FAM107A: variants seen among roughly 807,000 people sequenced by gnomAD.
FAM107A encodes actin-associated protein FAM107A.
In FAM107A, 19 loss-of-function variants were observed where a neutral mutation model predicts 13.7. The observed-to-expected ratio is 1.38, with a 90% CI of 0.97 to 2.03. The LOEUF (loss-of-function observed/expected upper bound fraction) is 2.03, where lower values mean the gene tolerates loss of function less well. Among genes scored for constraint, FAM107A ranks in the 30% most tolerant of loss-of-function variants. The pLI is 0.00. For missense variants in FAM107A, 203 were observed against 184.4 expected, an observed-to-expected ratio of 1.10 and a Z score of -0.58; for synonymous variants, 82 against 74.5, an observed-to-expected ratio of 1.10 and a Z score of -0.52.
chr3:58,603,215 G>A (rs781072576), intron 1 of FAM107A, among the ~76,000 whole-genome samples: 8 of 152,066 alleles, frequency 5.3e-5, no homozygotes, highest in Admixed American at 1.3e-4. Flanking sequence ...TGTCCCCTGC[G>A]CTTGTGCACA....
At position 58,613,860 on chromosome 3, in the gene FAM107A, G is replaced by T. The variant is rs2065877317; in HGVS notation, c.-70+13556C>A. ...GTCCAGCCCTTACGGCCTGTCCAAGGTCTATACGTTACATCTGCCTCAGAC... is the reference window on the plus strand; with the variant it reads ...GTCCAGCCCTTACGGCCTGTCCAAGTTCTATACGTTACATCTGCCTCAGAC... On this transcript the variant is annotated intron_variant, in intron 1 of 3. Coordinates refer to the FAM107A transcript ENST00000465970. The surrounding 1 kb of genome is among the most constrained non-coding windows in gnomAD (Gnocchi z 4.6). Among the ~76,000 whole-genome samples, 1 of 152,226 alleles carries T rather than the reference G, an allele frequency of 6.6e-6. No homozygotes were observed. Among genetic ancestry groups the T allele is most frequent in the East Asian group, 1.9e-4 (1 of 5,196 alleles).
At chr3:58,622,696 A>C (rs959677333) in intron 1 of FAM107A, among the ~76,000 whole-genome samples, 5 of 152,170 alleles carry the variant, frequency 3.3e-5, no homozygotes, top group African/African-American at 1.2e-4. Context: ...AGGCAGGCAA[A>C]TGGAGTGAGA....
At chr3:58,602,003 G>A (rs2065756805) in intron 1 of FAM107A, among the ~76,000 whole-genome samples, 1 of 152,154 alleles carries the variant, frequency 6.6e-6, no homozygotes, top group African/African-American at 2.4e-5. Flanking sequence ...GCAGGCTGGA[G>A]CAGAGGGAGA....
At chr3:58,572,458 T>C (rs1325834088) in intron 1 of FAM107A, among the ~76,000 whole-genome samples, 2 of 152,044 alleles carry the variant, frequency 1.3e-5, no homozygotes, top group African/African-American at 4.8e-5. Context: ...AGGAGGCCAT[T>C]TGGGGCCTAG....
chr3:58,566,561 G>T lies in FAM107A; in HGVS notation c.*27C>A, dbSNP rs1252882382. 6.5e-7 allele frequency: 1 copy of T among 1,537,796 alleles called. No individual in the cohort carries two copies. The highest frequency in any genetic ancestry group is 9.0e-7 in the Non-Finnish European group (1 of 1,111,790). On this transcript the variant is annotated 3_prime_UTR_variant, in exon 4 of 4. Coordinates refer to ENST00000360997, the MANE Select transcript of FAM107A (RefSeq NM_001076778.3). The stretch of plus-strand genomic sequence containing the variant: ...AAGGAGGCTGTCCAGGCCAGGGTGG[G>T]CAGTGGCCTGAGCCCGGCAGCTGGC...
intron 1 of FAM107A, among the ~76,000 whole-genome samples, chr3:58,584,301 C>T (rs1436135515): frequency 3.9e-5 from 6 of 152,252 alleles, no homozygotes; most frequent in African/African-American, 9.6e-5. Context: ...TAAATACATC[C>T]CTGCACCTTG....
chr3:58,620,799 C>T (rs937417205), intron 1 of FAM107A, among the ~76,000 whole-genome samples: 12 of 152,214 alleles, frequency 7.9e-5, no homozygotes, highest in African/African-American at 2.7e-4. Context: ...AACCTTGAAC[C>T]CAGCTTGGGG....
rs920644236 is a variant in FAM107A, at chr3:58,617,493, A to G, written c.-70+9923T>C. 6.6e-6 allele frequency among the ~76,000 whole-genome samples: 1 copy of G among 151,940 alleles called. No homozygotes were observed. The highest frequency in any genetic ancestry group is 2.4e-5 in the African/African-American group (1 of 41,344). On this transcript the variant is annotated intron_variant, in intron 1 of 3. Transcript: ENST00000465970. This position sits in a 1 kb window ranked among gnomAD's most constrained non-coding sequence, Gnocchi z 4.5. ...TCTGTCATCTTAGATTTTAGATGAA[A>G]AAGAAAGTTCCAGCTCCTCGCCTTT...
intron 1 of FAM107A, among the ~76,000 whole-genome samples, chr3:58,595,078 C>T (rs1190505195): frequency 1.3e-5 from 2 of 151,958 alleles, no homozygotes; most frequent in Non-Finnish European, 2.9e-5. Flanking sequence ...CACAATATCA[C>T]CCCTTACCCC....
intron 1 of FAM107A, among the ~76,000 whole-genome samples, chr3:58,571,141 G>T (rs899902660): frequency 3.9e-5 from 6 of 152,206 alleles, no homozygotes; most frequent in Admixed American, 3.9e-4. Flanking sequence ...AGAGAGGGGG[G>T]TTTGACGGGG....
rs970137591 is a variant in FAM107A at position 58,569,603 on chromosome 3, C to T, written c.170+88G>A. 2 of 1,169,698 alleles carry T rather than the reference C, an allele frequency of 1.7e-6. No individual in the cohort carries two copies. The highest frequency in any genetic ancestry group is 2.2e-5 in the Admixed American group (1 of 44,628). The allele number at this position is 1,169,698 out of a possible 1,614,324, so 72.5% of individuals were successfully genotyped here. The stretch of plus-strand genomic sequence containing the variant: ...GTCTCCAGGAGCCCCAGGATGAAAG[C>T]CAGCTCTGCTTTCCTCCAGGGTCAC... On this transcript the variant is annotated intron_variant, in intron 2 of 3. Transcript: ENST00000360997. The surrounding 1 kb of genome is among the most constrained non-coding windows in gnomAD (Gnocchi z 5.7).
chr3:58,597,605 G>A (rs1196217195), intron 1 of FAM107A, among the ~76,000 whole-genome samples: 1 of 152,316 alleles, frequency 6.6e-6, no homozygotes, highest in South Asian at 2.1e-4. Context: ...TGGCACATAG[G>A]TGCTTTGTAA....
chr3:58,581,538 T>C (rs935003060), upstream of FAM107A, among the ~76,000 whole-genome samples: 1 of 152,164 alleles, frequency 6.6e-6, no homozygotes, highest in African/African-American at 2.4e-5. Flanking sequence ...CCAAGGCCCC[T>C]TTTCAAGGCC....
intron 1 of FAM107A, among the ~76,000 whole-genome samples, chr3:58,626,284 C>T (rs2106649661): frequency 6.6e-6 from 1 of 152,310 alleles, no homozygotes; most frequent in South Asian, 2.1e-4. Flanking sequence ...TCCTACTCCC[C>T]ACCCCAGGAT....
At chr3:58,573,840 C>T (rs959676245) in intron 1 of FAM107A, among the ~76,000 whole-genome samples, 1 of 152,206 alleles carries the variant, frequency 6.6e-6, no homozygotes, top group African/African-American at 2.4e-5. Context: ...CACACCACGC[C>T]CACTTATTGT....
chr3:58,608,117 T>C (rs2065813329), intron 1 of FAM107A, among the ~76,000 whole-genome samples: 1 of 152,076 alleles, frequency 6.6e-6, no homozygotes, highest in Non-Finnish European at 1.5e-5. Context: ...TGACCTTGCA[T>C]GAGTCACATC....
At chr3:58,615,582 G>A (rs1307736416) in intron 1 of FAM107A, among the ~76,000 whole-genome samples, 2 of 152,030 alleles carry the variant, frequency 1.3e-5, no homozygotes, top group African/African-American at 4.8e-5. Flanking sequence ...GGACCAAGAT[G>A]GGGGGATTTT....
intron 1 of FAM107A, among the ~76,000 whole-genome samples, chr3:58,602,637 C>T (rs1363574269): frequency 1.3e-5 from 2 of 151,960 alleles, no homozygotes; most frequent in African/African-American, 4.8e-5. Flanking sequence ...TGTTGTAGAC[C>T]TAGGTTTACT....
intron 1 of FAM107A, chr3:58,627,032 G>A (rs932859022): frequency 6.5e-7 from 1 of 1,534,682 alleles, no homozygotes; most frequent in Non-Finnish European, 8.7e-7. Context: ...GGGCTGCAGG[G>A]GCCAGGCTGG....
Sources: gnomAD v4.1 joint callset for allele counts (sites outside exome capture counted in the v4.1 genomes callset) on GRCh38, gnomAD v4.1.1 for gene constraint, Gnocchi (gnomAD v3.1) non-coding constraint, MANE v1.5 for transcripts, NCBI Gene and HGNC (gene_info 2026-07-23, HGNC 2026-07-21) for gene names.